HAPLN2: variants seen among roughly 807,000 people sequenced by gnomAD.
HAPLN2 encodes hyaluronan and proteoglycan link protein 2, also known as brain link protein-1.
A neutral mutation model predicts 29.3 loss-of-function variants in HAPLN2; 27 were observed. The ratio of observed to expected loss-of-function variants is 0.92; its 90% CI spans 0.68 to 1.27. The LOEUF (loss-of-function observed/expected upper bound fraction) is 1.27, where lower values mean the gene tolerates loss of function less well. HAPLN2 is among the 50% of genes most tolerant of loss of function. HAPLN2 has a pLI of 0.00. For synonymous variants in HAPLN2, 208 were observed against 211.7 expected, an observed-to-expected ratio of 0.98 and a Z score of 0.15; for missense variants, 454 against 484.3, an observed-to-expected ratio of 0.94 and a Z score of 0.59.
chr1:156,623,041 T>TAAAAAATAAAAAAAA (rs1463020915), intron 2 of HAPLN2, among the ~76,000 whole-genome samples: 1 of 93,280 alleles, frequency 1.1e-5, no homozygotes, highest in South Asian at 4.7e-4. Context: ...CTCAAAAAAA[T>TAAAAAATAAAAAAAA]AAATAAATAA....
the HAPLN2 span, among the ~76,000 whole-genome samples, chr1:156,612,212 C>G: frequency 6.6e-6 from 1 of 152,202 alleles, no homozygotes; most frequent in East Asian, 1.9e-4. Context: ...TTAGTAGAGA[C>G]GGGGTTTCAC....
In HAPLN2 at chr1:156,625,157, C is replaced by A. The variant is rs765800134; in HGVS notation, c.796C>A (p.Arg266=). Residue 266 remains arginine (R), a synonymous_variant, in exon 7 of 7, where the codon CGG becomes AGG. Coordinates refer to ENST00000255039, the MANE Select transcript of HAPLN2 (RefSeq NM_021817.3). This position sits in a 1 kb window ranked among gnomAD's most constrained non-coding sequence, Gnocchi z 5.7. ...GCTGTCTGAAGCCCACGCGGCGTGC[C>A]GGCGACGCGGCGCCGTGGTGGCCAA... is the stretch of plus-strand genomic sequence containing the variant. ...LTLSEAHAAC[R]RRGAVVAKVG... The A allele has an allele frequency of 5.8e-6, 9 of 1,543,842 alleles. No individual in the cohort carries two copies. Among genetic ancestry groups the A allele is most frequent in the South Asian group, 1.2e-5 (1 of 83,968 alleles).
In HAPLN2 at chr1:156,623,841, C is replaced by A; in HGVS notation, c.120C>A (p.Pro40=). The change falls in exon 4 of 7, where the codon CCC becomes CCA. Residue 40 remains proline, a synonymous_variant. Transcript: ENST00000255039. ...SHPGPHYLLP[P]IHEVIHSHRG... is the part of the protein sequence containing the mutation. ...CGGGCCCCCACTACCTCCTGCCCCC[C>A]ATCCACGAGGTCATTCACTCTCATC... 6.5e-7 allele frequency: 1 copy of A among 1,540,746 alleles called. No individual in the cohort carries two copies. The highest frequency in any genetic ancestry group is 8.7e-7 in the Non-Finnish European group (1 of 1,144,368).
At chr1:156,623,744 T>A in intron 3 of HAPLN2, 63 bp from the exon 4 acceptor site, 4 of 1,475,404 alleles carry the variant, frequency 2.7e-6, no homozygotes, top group South Asian at 2.8e-5. Flanking sequence ...GGGAGCAGGG[T>A]CTGATGGGCA....
At chr1:156,623,778 T>A (rs1305226325) in intron 3 of HAPLN2, 29 bp from the exon 4 acceptor site, 2 of 1,472,332 alleles carry the variant, frequency 1.4e-6, no homozygotes, top group Non-Finnish European at 1.8e-6. Context: ...GGATTGGGGG[T>A]TCCTGCCACT....
chr1:156,614,742 AAC>A (rs1324919263), upstream of HAPLN2: 1 of 152,214 alleles, frequency 6.6e-6, no homozygotes, highest in African/African-American at 2.4e-5. Context: ...TAAGAAAATA[AAC>A]AGTCAAGATT....
chr1:156,617,391 C>T (rs1417013507), upstream of HAPLN2, among the ~76,000 whole-genome samples: 10 of 140,976 alleles, frequency 7.1e-5, no homozygotes, highest in Non-Finnish European at 1.2e-4. Context: ...CACTCTGTTG[C>T]CCAGGCTGGA....
chr1:156,625,583 CGGCGAGAT>C lies in HAPLN2; in HGVS notation c.*201_*208del. 1.9e-6 allele frequency: 1 copy of C among 535,860 alleles called. No homozygotes were observed. The highest frequency in any genetic ancestry group is 3.1e-6 in the Non-Finnish European group (1 of 319,022). The allele number at this position is 535,860 out of a possible 1,614,324, so 33.2% of individuals were successfully genotyped here. A position where few individuals can be genotyped will look rare whatever the true frequency, so the allele number is the denominator to read the frequency against. On this transcript the variant is annotated 3_prime_UTR_variant, in exon 7 of 7. Coordinates refer to ENST00000255039, the MANE Select transcript of HAPLN2 (RefSeq NM_021817.3). The surrounding 1 kb of genome is among the most constrained non-coding windows in gnomAD (Gnocchi z 5.7). The stretch of plus-strand genomic sequence containing the variant: ...GGAGGGGAGGCGGGGGCGCCTCCGG[CGGCGAGAT>C]GCAGAGGTGACCCTCGGACCCGCTG...
intron 6 of HAPLN2, 139 bp from the exon 7 acceptor site, chr1:156,624,962 T>C (rs2102534176): frequency 1.1e-6 from 1 of 926,058 alleles, no homozygotes; most frequent in Non-Finnish European, 1.4e-6. Flanking sequence ...CCCTGCACTT[T>C]TGCCTCGATC....
At chr1:156,617,247 ATGACTGTAT>A (rs977841590), upstream of HAPLN2, among the ~76,000 whole-genome samples, 4 of 152,046 alleles carry the variant, frequency 2.6e-5, no homozygotes, top group Admixed American at 1.3e-4. Flanking sequence ...GCTTGACTCA[ATGACTGTAT>A]TGTGCGTGAT....
chr1:156,625,000 C>T, intron 6 of HAPLN2, 101 bp from the exon 7 acceptor site: 1 of 1,400,130 alleles, frequency 7.1e-7, no homozygotes, highest in Non-Finnish European at 9.5e-7. Flanking sequence ...CAAGCTCGAT[C>T]CAGCACCTCT....
At position 156,625,436 on chromosome 1, in the gene HAPLN2, G is replaced by A. The variant is rs1678420892; in HGVS notation, c.*52G>A. On this transcript the variant is annotated 3_prime_UTR_variant, in exon 7 of 7. Coordinates refer to ENST00000255039, the MANE Select transcript of HAPLN2 (RefSeq NM_021817.3). The surrounding 1 kb of genome is among the most constrained non-coding windows in gnomAD (Gnocchi z 5.7). The stretch of plus-strand genomic sequence containing the variant: ...CGCGAAGAAGCTTGGGAGTCGTGGC[G>A]GGGGTCTCTCGCCACCCCTTTCCGG... The A allele has an allele frequency of 6.7e-7, 1 of 1,501,556 alleles. No individual in the cohort carries two copies. The highest frequency in any genetic ancestry group is 8.9e-7 in the Non-Finnish European group (1 of 1,120,464). The allele number at this position is 1,501,556 out of a possible 1,614,324, so 93.0% of individuals were successfully genotyped here. A position where few individuals can be genotyped will look rare whatever the true frequency, so the allele number is the denominator to read the frequency against.
In HAPLN2 at chr1:156,623,545, A is replaced by G. The variant is rs755954336; in HGVS notation, c.55A>G (p.Thr19Ala). 1.2e-6 allele frequency: 2 copies of G among 1,613,892 alleles called. 1 individual carries two copies. The highest frequency in any genetic ancestry group is 3.3e-5 in the Admixed American group (2 of 59,992). ...CTGCCGCTTCCTTCTTTGGGCCTTC[A>G]CCATCTTCCACAAAGCCCAAGGAGA... ...TLCRFLLWAF[T>A]IFHKAQGDPA... is the part of the protein sequence containing the mutation. Residue 19 changes from threonine (T) to alanine (A), a missense_variant, in exon 3 of 7, where the codon ACC (threonine) becomes GCC (alanine). Physicochemically the swap from Thr to Ala is moderately conservative, Grantham distance 58. Coordinates refer to ENST00000255039, the MANE Select transcript of HAPLN2 (RefSeq NM_021817.3).
chr1:156,611,098 C>G, the HAPLN2 span, among the ~76,000 whole-genome samples: 49 of 149,948 alleles, frequency 3.3e-4, no homozygotes, highest in Admixed American at 2.4e-3. Context: ...CCTGGGCAAC[C>G]TGGTGAATCC....
chr1:156,613,242 T>C, the HAPLN2 span, among the ~76,000 whole-genome samples: 1 of 151,962 alleles, frequency 6.6e-6, no homozygotes, highest in Non-Finnish European at 1.5e-5. Context: ...TCCCAGCTAC[T>C]CAGGAGGCCG....
At chr1:156,603,019 A>T in the HAPLN2 span, among the ~76,000 whole-genome samples, 3 of 152,098 alleles carry the variant, frequency 2.0e-5, no homozygotes, top group Non-Finnish European at 4.4e-5. Context: ...CATAAAATTA[A>T]TTTTACTTTC....
chr1:156,606,575 T>G, the HAPLN2 span, among the ~76,000 whole-genome samples: 1 of 151,530 alleles, frequency 6.6e-6, no homozygotes, highest in East Asian at 1.9e-4. Flanking sequence ...CTCAATCTCC[T>G]GGACTCAAGC....
rs1363501938 is a variant in HAPLN2 at position 156,623,036 on chromosome 1, A to AT, written c.-24-431_-24-430insT. Among the ~76,000 whole-genome samples, 37 of 118,996 alleles carry AT rather than the reference A, an allele frequency of 3.1e-4. 2 individuals are homozygous for AT. Among genetic ancestry groups the AT allele is most frequent in the Admixed American group, 7.1e-4 (7 of 9,920 alleles). The allele number at this position is 118,996 out of a possible 152,430, so 78.1% of individuals were successfully genotyped here. A position where few individuals can be genotyped will look rare whatever the true frequency, so the allele number is the denominator to read the frequency against. ...ACCATGGAGCAACACTCTGTCTCAA[A>AT]AAAATAAATAAATAAATAAATAAAT... On this transcript the variant is annotated intron_variant, in intron 2 of 6. Transcript: ENST00000255039.
Position 156,623,927 on chromosome 1 carries a change from G to A in HAPLN2, c.206G>A (p.Arg69His), listed in dbSNP as rs774525894. The A allele has an allele frequency of 6.2e-7, 1 of 1,606,706 alleles. No individual in the cohort carries two copies. The highest frequency in any genetic ancestry group is 1.1e-5 in the South Asian group (1 of 89,784). Residue 69 changes from arginine (R) to histidine (H), a missense_variant, in exon 4 of 7, where the codon CGC becomes CAC. Transcript: ENST00000255039. Reference sequence around the variant, plus strand: ...ACCACGCCTCCCAGCTACAAGGTGCGCTGGAGCAAGGTGGAGCCTGGGGAG... The same window carrying A: ...ACCACGCCTCCCAGCTACAAGGTGCACTGGAGCAAGGTGGAGCCTGGGGAG... ...LGTTPPSYKV[R>H]WSKVEPGELR...
Sources: allele counts gnomAD v4.1 joint callset (sites outside exome capture counted in the v4.1 genomes callset), GRCh38; gene constraint gnomAD v4.1.1; non-coding constraint Gnocchi (gnomAD v3.1); transcripts MANE v1.5; gene names NCBI Gene and HGNC (gene_info 2026-07-23, HGNC 2026-07-21).